The following DNAH1 variants were observed in gnomAD, a reference collection of about 807,000 sequenced individuals.
DNAH1 encodes axonemal beta dynein heavy chain 1.
Under a neutral mutation model 484.3 loss-of-function variants are expected in DNAH1, and 327 were observed. The ratio of observed to expected loss-of-function variants is 0.68; its 90% CI spans 0.62 to 0.74. The LOEUF is 0.74. DNAH1 is among the 30% of genes least tolerant of loss of function. DNAH1 has a pLI of 0.00. For synonymous variants in DNAH1, 2,192 were observed against 2,191.9 expected (o/e 1.00, Z 0.00); for missense variants, 5,052 against 5,546.8 (o/e 0.91, Z 2.83).
In DNAH1 at chr3:52,396,496, C is replaced by T. The variant is rs1311459317; in HGVS notation, c.11388C>T (p.Ser3796=). Residue 3796 remains serine (S), a synonymous_variant, in exon 71 of 78, where the codon TCC becomes TCT. Coordinates refer to ENST00000420323, the MANE Select transcript of DNAH1 (RefSeq NM_015512.5). ...GTGTCAGGGCCAACCTGCTGAAGTC[C>T]TATAGTAGCCTTGGTGAAGACTTCC... ...PRGVRANLLK[S]YSSLGEDFLN... is the part of the protein sequence containing the mutation. 6.2e-7 allele frequency: 1 copy of T among 1,609,506 alleles called. No individual in the cohort carries two copies. Among genetic ancestry groups the T allele is most frequent in the Non-Finnish European group, 8.5e-7 (1 of 1,177,942 alleles).
Position 52,334,326 on chromosome 3 carries a change from G to A in DNAH1, c.1286+1932G>A, listed in dbSNP as rs557929234. On this transcript the variant is annotated intron_variant, in intron 8 of 77. Transcript: ENST00000420323. ...CTATGTAAGGCACTTACCATGAATG[G>A]AGCCTGCAGGGCTGGAAGTTGCGGT... Among the ~76,000 whole-genome samples the A allele has an allele frequency of 1.6e-4, 24 of 152,340 alleles. 1 individual carries two copies. The highest frequency in any genetic ancestry group is 5.8e-4 in the African/African-American group (24 of 41,562).
rs142064649 is a variant in DNAH1, at chr3:52,327,776, C to T, written c.739-106C>T. 407 of 1,365,448 alleles carry T rather than the reference C, an allele frequency of 3.0e-4. No homozygotes were observed. In the African/African-American group the frequency reaches 4.9e-3, roughly 16 times the overall value. The allele number at this position is 1,365,448 out of a possible 1,614,324, so 84.6% of individuals were successfully genotyped here. On this transcript the variant is annotated intron_variant, in intron 5 of 77. Transcript: ENST00000420323. Reference sequence around the variant, plus strand: ...CCAGTGCCACCTTGCAGCTCTCTCACCTGGGGAGGGTATTACTTAGGCACC... The same window carrying T: ...CCAGTGCCACCTTGCAGCTCTCTCATCTGGGGAGGGTATTACTTAGGCACC...
Position 52,358,643 on chromosome 3 carries a change from C to T in DNAH1, c.4172C>T (p.Ser1391Phe). ...EVQLCFSIYP[S>F]SNVEDWLREV... is the part of the protein sequence containing the mutation. ...CAGTTGTGCTTCTCCATCTACCCCT[C>T]CAGCAACGTGGAGGACTGGCTGCGG... The change falls in exon 25 of 78, where the codon TCC becomes TTC. Residue 1391 changes from serine to phenylalanine, a missense_variant. By Grantham distance (155) the Ser-to-Phe change is radical (BLOSUM62 -2). Around this residue, in one of 4 missense-constraint regions of DNAH1, gnomAD observed 2,929 missense variants for 3,409.4 expected, o/e 0.86. Transcript: ENST00000420323. This position sits in a 1 kb window ranked among gnomAD's most constrained non-coding sequence, Gnocchi z 4.2. 1 of 1,613,350 alleles carries T rather than the reference C, an allele frequency of 6.2e-7. No homozygotes were observed. The highest frequency in any genetic ancestry group is 8.5e-7 in the Non-Finnish European group (1 of 1,179,786).
In DNAH1 at chr3:52,379,437, G is replaced by A. The variant is rs774145455; in HGVS notation, c.7378-468G>A. Among the ~76,000 whole-genome samples the A allele has an allele frequency of 2.0e-5, 3 of 152,156 alleles. No homozygotes were observed. Among genetic ancestry groups the A allele is most frequent in the African/African-American group, 4.8e-5 (2 of 41,426 alleles). ...ACCCAGGGAGATGCAGGGAAGCTGG[G>A]ACAGAGGCGGCAGCTGAGATGGAGA... On this transcript the variant is annotated intron_variant, in intron 47 of 77. Transcript: ENST00000420323. The surrounding 1 kb of genome is among the most constrained non-coding windows in gnomAD (Gnocchi z 4.4).
chr3:52,383,370 C>T lies in DNAH1; in HGVS notation c.7942-16C>T, dbSNP rs1159569577. 5.0e-6 allele frequency: 8 copies of T among 1,612,370 alleles called. No individual in the cohort carries two copies. The highest frequency in any genetic ancestry group is 5.9e-6 in the Non-Finnish European group (7 of 1,178,854). On this transcript the variant is annotated splice_polypyrimidine_tract_variant and intron_variant, in intron 50 of 77. Coordinates refer to ENST00000420323, the MANE Select transcript of DNAH1 (RefSeq NM_015512.5). ...CATGCAGGGGCTTAGCTCCCCACTC[C>T]TTCACCCCTCCCCAGATCAAGAACG...
At chr3:52,328,469 AT>A (rs1170877771) in intron 6 of DNAH1, among the ~76,000 whole-genome samples, 4 of 152,098 alleles carry the variant, frequency 2.6e-5, no homozygotes, top group South Asian at 4.1e-4. Flanking sequence ...TGACAAGCAC[AT>A]TCACTGTCAT....
rs556620080 is a variant in DNAH1 at position 52,361,384 on chromosome 3, G to C, written c.4874+32G>C. The C allele has an allele frequency of 1.3e-6, 2 of 1,526,170 alleles. No individual in the cohort carries two copies. Among genetic ancestry groups the C allele is most frequent in the South Asian group, 2.5e-5 (2 of 79,544 alleles). The allele number at this position is 1,526,170 out of a possible 1,614,324, so 94.5% of individuals were successfully genotyped here. ...CTGGGCATGAGCGTGGCACAGGATG[G>C]GGTGGGACAGCCTAGCTCTCCTTGG... On this transcript the variant is annotated intron_variant, in intron 29 of 77. Transcript: ENST00000420323. The surrounding 1 kb of genome is among the most constrained non-coding windows in gnomAD (Gnocchi z 5.6).
chr3:52,344,669 TG>T, intron 9 of DNAH1, 22 bp downstream of exon 9: 1 of 1,605,240 alleles, frequency 6.2e-7, no homozygotes, highest in African/African-American at 1.3e-5. Flanking sequence ...TGGACCAAGA[TG>T]GGCTCCATGG....
intron 15 of DNAH1, 141 bp from the exon 16 acceptor site, chr3:52,350,367 T>C (rs1702325146): frequency 6.4e-6 from 6 of 938,846 alleles, no homozygotes; most frequent in South Asian, 4.6e-5. Flanking sequence ...CCTTGCACCC[T>C]GGGCCTCCTC....
rs191172616 is a variant in DNAH1 at position 52,399,288 on chromosome 3, T to C, written c.12441+87T>C. On this transcript the variant is annotated intron_variant, in intron 76 of 77. Transcript: ENST00000420323. Reference sequence around the variant, plus strand: ...CTCTGAGGCCACGGTTGGTTGGCAGTTGGGGGACCCCTAAGCCAGGGCATG... The same window carrying C: ...CTCTGAGGCCACGGTTGGTTGGCAGCTGGGGGACCCCTAAGCCAGGGCATG... The C allele has an allele frequency of 1.4e-4, 198 of 1,371,478 alleles. No homozygotes were observed. The African/African-American group carries it at 2.5e-3, about 18-fold the overall frequency. 85.0% of individuals were successfully genotyped at this position (1,371,478 alleles called of 1,614,324 possible).
intron 73 of DNAH1, 109 bp downstream of exon 73, chr3:52,397,153 T>A: frequency 9.6e-7 from 1 of 1,040,706 alleles, no homozygotes; most frequent in South Asian, 1.7e-5. Context: ...CCACCCTCCA[T>A]CAGCTGTCTT....
intron 45 of DNAH1, 89 bp downstream of exon 45, chr3:52,375,502 G>T (rs1703552123): frequency 6.8e-7 from 1 of 1,469,944 alleles, no homozygotes; most frequent in Non-Finnish European, 9.2e-7. Flanking sequence ...CACCAGAAAG[G>T]GTGGAGTGGC....
At chr3:52,391,679 G>A (rs778302832) in intron 63 of DNAH1, 76 bp downstream of exon 63, 12 of 1,563,702 alleles carry the variant, frequency 7.7e-6, no homozygotes, top group South Asian at 2.3e-5. Flanking sequence ...CCCACCCCCA[G>A]GCCGGGAGTC....
Position 52,353,863 on chromosome 3 carries a change from C to T in DNAH1, c.3480+230C>T. 3.3e-6 allele frequency: 2 copies of T among 601,980 alleles called. No individual in the cohort carries two copies. Among genetic ancestry groups the T allele is most frequent in the East Asian group, 3.1e-5 (1 of 31,906 alleles). 37.3% of individuals were successfully genotyped at this position (601,980 alleles called of 1,614,324 possible). On this transcript the variant is annotated intron_variant, in intron 20 of 77. Coordinates refer to ENST00000420323, the MANE Select transcript of DNAH1 (RefSeq NM_015512.5). The surrounding 1 kb of genome is among the most constrained non-coding windows in gnomAD (Gnocchi z 5.0). ...TTTTTCAGTTACTCCTCTCAAGAGC[C>T]CCAGGAAGGAGCTAATAGCATTAGC... is the stretch of plus-strand genomic sequence containing the variant.
At chr3:52,388,727 A>G (rs1704229441) in intron 58 of DNAH1, 79 bp from the exon 59 acceptor site, 1 of 1,604,450 alleles carries the variant, frequency 6.2e-7, no homozygotes, top group African/African-American at 1.3e-5. Flanking sequence ...TGGCAACCCC[A>G]GGTGCCACAG....
At position 52,357,919 on chromosome 3, in the gene DNAH1, T is replaced by C. The variant is rs1277281038; in HGVS notation, c.4002T>C (p.Asp1334=). 1.9e-6 allele frequency: 3 copies of C among 1,613,062 alleles called. No homozygotes were observed. The highest frequency in any genetic ancestry group is 3.3e-5 in the Admixed American group (2 of 60,000). The change falls in exon 24 of 78, where the codon GAT becomes GAC. Residue 1334 remains aspartate, a synonymous_variant. Transcript: ENST00000420323. ...GCAGATTCTACTTCCTGTCAGATGA[T>C]GAACTACTAGAGATCTTGTCGCAGA... ...AFPRFYFLSD[D]ELLEILSQTK...
intron 44 of DNAH1, chr3:52,374,702 T>C: frequency 1.4e-6 from 2 of 1,403,932 alleles, no homozygotes; most frequent in South Asian, 1.2e-5. Context: ...CAAAGACCCA[T>C]TGGAACAAGA....
Position 52,358,170 on chromosome 3 carries a change from C to A in DNAH1, c.4086+167C>A, listed in dbSNP as rs1260773266. Among the ~76,000 whole-genome samples the A allele has an allele frequency of 1.3e-5, 2 of 152,212 alleles. No homozygotes were observed. Among genetic ancestry groups the A allele is most frequent in the Non-Finnish European group, 2.9e-5 (2 of 68,030 alleles). Reference sequence around the variant, plus strand: ...TGGGAGGAAGGTCAACTGCAGAATCCCCAGCTCAGGGCTGAGGGCCCTGGA... The same window carrying A: ...TGGGAGGAAGGTCAACTGCAGAATCACCAGCTCAGGGCTGAGGGCCCTGGA... On this transcript the variant is annotated intron_variant, in intron 24 of 77. Coordinates refer to ENST00000420323, the MANE Select transcript of DNAH1 (RefSeq NM_015512.5). This position sits in a 1 kb window ranked among gnomAD's most constrained non-coding sequence, Gnocchi z 4.2.
In DNAH1 at chr3:52,390,954, A is replaced by G; in HGVS notation, c.9641A>G (p.Asp3214Gly). Residue 3214 changes from aspartate to glycine, a missense_variant, in exon 61 of 78, where the codon GAC (aspartate) becomes GGC (glycine). Physicochemically the swap from Asp to Gly is moderately conservative, Grantham distance 94. Coordinates refer to ENST00000420323, the MANE Select transcript of DNAH1 (RefSeq NM_015512.5). ...RSWQIAGLPN[D>G]TLSVENGVIN... Reference sequence around the variant, plus strand: ...CCACAGATCGCTGGCCTCCCCAACGACACACTGTCAGTGGAGAACGGGGTC... The same window carrying G: ...CCACAGATCGCTGGCCTCCCCAACGGCACACTGTCAGTGGAGAACGGGGTC... The G allele has an allele frequency of 6.4e-7, 1 of 1,552,100 alleles. No individual in the cohort carries two copies. The highest frequency in any genetic ancestry group is 8.7e-7 in the Non-Finnish European group (1 of 1,147,130).
Sources: gnomAD v4.1 joint callset for allele counts (sites outside exome capture counted in the v4.1 genomes callset) on GRCh38, gnomAD v4.1.1 for gene constraint, gnomAD v4.1.1 regional missense constraint, Gnocchi (gnomAD v3.1) non-coding constraint, MANE v1.5 for transcripts, NCBI Gene and HGNC (gene_info 2026-07-23, HGNC 2026-07-21) for gene names.